GRM8: variants seen among roughly 807,000 people sequenced by gnomAD.
The protein encoded by GRM8 is glutamate metabotropic receptor 8.
In GRM8, 47 loss-of-function variants were observed where a neutral mutation model predicts 87.2. The ratio of observed to expected loss-of-function variants is 0.54; its 90% CI spans 0.43 to 0.69. GRM8 has a LOEUF of 0.69. Among genes scored for constraint, GRM8 ranks in the 30% least tolerant of loss-of-function variants. GRM8 has a pLI of 0.00. For synonymous variants in GRM8, 396 were observed against 404.5 expected (o/e 0.98, Z 0.25); for missense variants, 1,019 against 1,139.2 (o/e 0.89, Z 1.52).
At chr7:126,827,358 CT>C (rs1453050643) in intron 6 of GRM8, among the ~76,000 whole-genome samples, 1 of 152,176 alleles carries the variant, frequency 6.6e-6, no homozygotes, top group Non-Finnish European at 1.5e-5. Context: ...ATGGAATGTT[CT>C]TCCATTTGTC....
intron 7 of GRM8, among the ~76,000 whole-genome samples, chr7:126,645,149 T>C (rs570426147): frequency 1.3e-5 from 2 of 152,326 alleles, no homozygotes; most frequent in East Asian, 3.9e-4. Context: ...TTTGTTAGAC[T>C]AATAAAAGGC....
At chr7:126,893,657 C>A (rs1052771187) in intron 6 of GRM8, among the ~76,000 whole-genome samples, 2 of 151,972 alleles carry the variant, frequency 1.3e-5, no homozygotes, top group African/African-American at 4.8e-5. Context: ...TAGCAACTTA[C>A]AAACTATTGT....
intron 7 of GRM8, among the ~76,000 whole-genome samples, chr7:126,748,842 G>A (rs2151533985): frequency 6.6e-6 from 1 of 152,086 alleles, no homozygotes; most frequent in South Asian, 2.1e-4. Context: ...TTACACATAT[G>A]TATTCAACTG....
At chr7:126,691,256 A>G (rs1374737779) in intron 7 of GRM8, among the ~76,000 whole-genome samples, 1 of 152,180 alleles carries the variant, frequency 6.6e-6, no homozygotes, top group Non-Finnish European at 1.5e-5. Context: ...TGCTGCCCCA[A>G]GTGTGCATGC....
At chr7:126,902,071 C>G (rs1282538056) in intron 6 of GRM8, among the ~76,000 whole-genome samples, 1 of 152,060 alleles carries the variant, frequency 6.6e-6, no homozygotes, top group Non-Finnish European at 1.5e-5. Context: ...AGTAAAGCAT[C>G]TAAAAATCAT....
rs767201811 is a variant in GRM8, at chr7:126,533,527, G to A, written c.1855C>T (p.Arg619Cys). The change falls in exon 9 of 11, where the codon CGC becomes TGC. Residue 619 changes from arginine (R) to cysteine (C), a missense_variant. Coordinates refer to ENST00000339582, the MANE Select transcript of GRM8 (RefSeq NM_000845.3). ...GTTAGGAGCACGTAACTAAGTTCGCGTCCTGAAGCCCTCACGATAGGTGTG... is the reference window on the plus strand; with the variant it reads ...GTTAGGAGCACGTAACTAAGTTCGCATCCTGAAGCCCTCACGATAGGTGTG... The part of the protein sequence containing the change: ...NDTPIVRASG[R>C]ELSYVLLTGI... 8 of 1,613,910 alleles carry A rather than the reference G, an allele frequency of 5.0e-6. No individual in the cohort carries two copies. The highest frequency in any genetic ancestry group is 2.2e-5 in the South Asian group (2 of 91,072).
chr7:127,156,624 T>G (rs1792747943), intron 2 of GRM8, among the ~76,000 whole-genome samples: 1 of 152,124 alleles, frequency 6.6e-6, no homozygotes. Flanking sequence ...CTCTGGCTCT[T>G]CCTCTATATG....
intron 6 of GRM8, among the ~76,000 whole-genome samples, chr7:126,889,069 A>G (rs1365283407): frequency 6.6e-6 from 1 of 152,228 alleles, no homozygotes; most frequent in East Asian, 1.9e-4. Flanking sequence ...GCATAAAGAG[A>G]TAAGTACCCA....
intron 6 of GRM8, among the ~76,000 whole-genome samples, chr7:126,783,060 G>A (rs561231892): frequency 3.9e-4 from 59 of 152,208 alleles, no homozygotes; most frequent in Non-Finnish European, 2.9e-5. Flanking sequence ...CTGTATACTC[G>A]CTCCAAGTCC....
chr7:127,213,741 A>G (rs537010832), intron 2 of GRM8, among the ~76,000 whole-genome samples: 1 of 152,140 alleles, frequency 6.6e-6, no homozygotes, highest in Non-Finnish European at 1.5e-5. Flanking sequence ...CATCCATTAC[A>G]TTAGGTTTTA....
chr7:126,865,652 T>A (rs1212760003), intron 6 of GRM8, among the ~76,000 whole-genome samples: 1 of 152,240 alleles, frequency 6.6e-6, no homozygotes, highest in Non-Finnish European at 1.5e-5. Context: ...ATGCACCCAT[T>A]CTGGATATTC....
intron 3 of GRM8, among the ~76,000 whole-genome samples, chr7:126,942,157 C>T (rs2131541676): frequency 6.6e-6 from 1 of 151,452 alleles, no homozygotes; most frequent in African/African-American, 2.4e-5. Flanking sequence ...AATTTCCAAG[C>T]ATCTACACTC....
chr7:126,704,059 CTTA>C (rs763532752), intron 7 of GRM8, among the ~76,000 whole-genome samples: 4 of 152,106 alleles, frequency 2.6e-5, no homozygotes, highest in Non-Finnish European at 2.9e-5. Context: ...CTACAACCCT[CTTA>C]TTATATGTTT....
chr7:126,827,202 C>CT (rs919602364), intron 6 of GRM8, among the ~76,000 whole-genome samples: 49 of 152,094 alleles, frequency 3.2e-4, no homozygotes, highest in African/African-American at 1.2e-3. Flanking sequence ...GATGTGGGCT[C>CT]TTTTTTGGTT....
chr7:126,957,108 C>T (rs1808775175), intron 3 of GRM8, among the ~76,000 whole-genome samples: 1 of 151,966 alleles, frequency 6.6e-6, no homozygotes, highest in African/African-American at 2.4e-5. Context: ...CTGGTACAGA[C>T]ATAGATGCTG....
chr7:127,232,212 T>TGTGTGTGTGTGTGTGTGTGTGA lies in GRM8; in HGVS notation c.510+10482_510+10483insTCACACACACACACACACACAC, dbSNP rs1491132484. ...GTGTGTGTGTGTGTGTGTGTGTGTG[T>TGTGTGTGTGTGTGTGTGTGTGA]GAGAGAGAGAGAGAGAGAGAGAGAG... On this transcript the variant is annotated intron_variant, in intron 2 of 10. Transcript: ENST00000339582. 3.1e-3 allele frequency among the ~76,000 whole-genome samples: 439 copies of TGTGTGTGTGTGTGTGTGTGTGA among 143,476 alleles called. 3 individuals are homozygous for TGTGTGTGTGTGTGTGTGTGTGA. Among genetic ancestry groups the TGTGTGTGTGTGTGTGTGTGTGA allele is most frequent in the African/African-American group, 9.3e-3 (350 of 37,606 alleles). 94.1% of individuals were successfully genotyped at this position (143,476 alleles called of 152,430 possible).
intron 3 of GRM8, among the ~76,000 whole-genome samples, chr7:126,944,493 GC>G (rs778459106): frequency 2.6e-5 from 4 of 152,302 alleles, no homozygotes; most frequent in Non-Finnish European, 5.9e-5. Flanking sequence ...AGCCCAGGGG[GC>G]TGAAGCAAAG....
chr7:126,752,925 A>G (rs1274765759), intron 7 of GRM8, among the ~76,000 whole-genome samples: 2 of 152,064 alleles, frequency 1.3e-5, no homozygotes, highest in Non-Finnish European at 2.9e-5. Context: ...GTTGCTTGTT[A>G]AGTATATGTG....
chr7:126,963,670 A>G, intron 3 of GRM8, among the ~76,000 whole-genome samples: 1 of 152,258 alleles, frequency 6.6e-6, no homozygotes, highest in Admixed American at 6.5e-5. Flanking sequence ...AAGAGAGGAC[A>G]CAAATAAATG....
Sources: gnomAD v4.1 joint callset for allele counts (sites outside exome capture counted in the v4.1 genomes callset) on GRCh38, gnomAD v4.1.1 for gene constraint, MANE v1.5 for transcripts, NCBI Gene and HGNC (gene_info 2026-07-23, HGNC 2026-07-21) for gene names.